Variants in NFU1 observed in about 807,000 individuals in gnomAD.
The protein encoded by NFU1 is NFU1 iron-sulfur cluster scaffold.
In NFU1, 30 loss-of-function variants were observed where a neutral mutation model predicts 32.2. The ratio of observed to expected loss-of-function variants is 0.93; its 90% CI spans 0.70 to 1.26. The LOEUF is 1.26. NFU1 is among the 50% of genes most tolerant of loss of function. The probability of loss-of-function intolerance (pLI) is 0.00; values close to 1 mark genes in which losing one functional copy is unlikely to be tolerated. For missense variants in NFU1, 306 were observed against 306.6 expected (o/e 1.00, Z 0.02); for synonymous variants, 112 against 104.6 (o/e 1.07, Z -0.43).
intron 5 of NFU1, among the ~76,000 whole-genome samples, chr2:69,407,761 C>T (rs946488455): frequency 2.0e-5 from 3 of 151,634 alleles, no homozygotes; most frequent in African/African-American, 7.3e-5. Flanking sequence ...CCCTATAACC[C>T]TAGCACTTTG....
At chr2:69,400,237 T>C in intron 7 of NFU1, 127 bp downstream of exon 7, 1 of 870,682 alleles carries the variant, frequency 1.1e-6, no homozygotes, top group East Asian at 2.5e-5. Flanking sequence ...AATCCAGCCC[T>C]TGAAGAAAAA....
At chr2:69,417,857 A>G (rs77503918) in intron 4 of NFU1, among the ~76,000 whole-genome samples, 3 of 134,546 alleles carry the variant, frequency 2.2e-5, no homozygotes, top group African/African-American at 9.5e-5. Context: ...GAAAAATAGG[A>G]AAAAAAAAAA....
rs773547774 is a variant in NFU1, at chr2:69,437,392, C to T, written c.31G>A (p.Ala11Thr). 1.9e-6 allele frequency: 3 copies of T among 1,609,712 alleles called. No individual in the cohort carries two copies. The highest frequency in any genetic ancestry group is 1.1e-5 in the South Asian group (1 of 90,942). MAATARRGWG[A>T]AAVAAGLRRR... Reference sequence around the variant, plus strand: ...CGCAGCCCGGCGGCAACAGCCGCAGCTCCCCAGCCCCGCCTGGCCGTCGCC... The same window carrying T: ...CGCAGCCCGGCGGCAACAGCCGCAGTTCCCCAGCCCCGCCTGGCCGTCGCC... The change falls in exon 1 of 8, where the codon GCT becomes ACT. Residue 11 changes from alanine to threonine, a missense_variant. Physicochemically the swap from Ala to Thr is moderately conservative, Grantham distance 58. Transcript: ENST00000410022.
chr2:69,416,333 A>G (rs1297283807), intron 4 of NFU1: 2 of 146,806 alleles, frequency 1.4e-5, no homozygotes, highest in Non-Finnish European at 3.0e-5. Flanking sequence ...AAAAATTAAT[A>G]TTTAATTAAT....
At position 69,427,286 on chromosome 2, in the gene NFU1, G is replaced by A. The variant is rs573367639; in HGVS notation, c.167-3569C>T. ...TGTAATCCCAGCTACTCAGGAGGCTGAGGCAGGAGAATCACTTGAACCTGG... is the reference window on the plus strand; with the variant it reads ...TGTAATCCCAGCTACTCAGGAGGCTAAGGCAGGAGAATCACTTGAACCTGG... On this transcript the variant is annotated intron_variant, in intron 2 of 7. Coordinates refer to ENST00000410022, the MANE Select transcript of NFU1 (RefSeq NM_001002755.4). 2.6e-5 allele frequency among the ~76,000 whole-genome samples: 4 copies of A among 151,988 alleles called. No homozygotes were observed. The South Asian group carries it at 8.3e-4, about 32-fold the overall frequency.
chr2:69,431,713 G>A (rs1301257974), intron 2 of NFU1, among the ~76,000 whole-genome samples, 189 bp downstream of exon 2: 1 of 152,128 alleles, frequency 6.6e-6, no homozygotes, highest in Non-Finnish European at 1.5e-5. Flanking sequence ...AGATCTATTG[G>A]ACAATATCCT....
At chr2:69,407,674 C>CAAAAAAAAAAAAAAAAAAAA (rs200321994) in intron 5 of NFU1, among the ~76,000 whole-genome samples, 1 of 103,106 alleles carries the variant, frequency 9.7e-6, no homozygotes, top group Non-Finnish European at 1.9e-5. Context: ...GACTCTATCT[C>CAAAAAAAAAAAAAAAAAAAA]AAAAAAAAAA....
intron 6 of NFU1, among the ~76,000 whole-genome samples, chr2:69,405,573 G>T (rs1672668531): frequency 6.6e-6 from 1 of 152,140 alleles, no homozygotes; most frequent in Admixed American, 6.6e-5. Flanking sequence ...ACTTTATCCA[G>T]CTTTTCTGGG....
chr2:69,437,509 G>C, upstream of NFU1: 2 of 1,495,612 alleles, frequency 1.3e-6, no homozygotes, highest in Non-Finnish European at 1.8e-6. Context: ...GGCGGGCACT[G>C]GGAAGAGCCC....
intron 6 of NFU1, among the ~76,000 whole-genome samples, chr2:69,402,612 G>A (rs1033155233): frequency 1.3e-5 from 2 of 151,618 alleles, no homozygotes; most frequent in African/African-American, 2.4e-5. Flanking sequence ...ACGGAGTTTC[G>A]CTCTTGTTGC....
At position 69,400,408 on chromosome 2, in the gene NFU1, T is replaced by C. The variant is rs377381866; in HGVS notation, c.676A>G (p.Asn226Asp). ...SIITLKNGIQ[N>D]MLQFYIPEVE... Reference sequence around the variant, plus strand: ...TCCGGAATATAAAACTGCAGCATGTTCTGAATTCCATTTTTCAGAGTAATG... The same window carrying C: ...TCCGGAATATAAAACTGCAGCATGTCCTGAATTCCATTTTTCAGAGTAATG... The change falls in exon 7 of 8, where the codon AAC (asparagine) becomes GAC (aspartate). Residue 226 changes from asparagine (N) to aspartate (D), a missense_variant. Coordinates refer to ENST00000410022, the MANE Select transcript of NFU1 (RefSeq NM_001002755.4). 135 of 1,614,076 alleles carry C rather than the reference T, an allele frequency of 8.4e-5. No homozygotes were observed. The highest frequency in any genetic ancestry group is 1.1e-4 in the Non-Finnish European group (133 of 1,180,032).
At chr2:69,421,702 G>A (rs1398564508) in intron 3 of NFU1, among the ~76,000 whole-genome samples, 1 of 151,370 alleles carries the variant, frequency 6.6e-6, no homozygotes, top group Non-Finnish European at 1.5e-5. Context: ...CGAGTGGCTA[G>A]GACTACAGGC....
At chr2:69,432,423 A>T (rs990057146) in intron 1 of NFU1, among the ~76,000 whole-genome samples, 49 of 152,238 alleles carry the variant, frequency 3.2e-4, no homozygotes, top group African/African-American at 1.2e-3. Flanking sequence ...AAAAATACAA[A>T]ATTAGCCGGG....
chr2:69,421,562 CTTTTTTTTTTTTT>C (rs763705011), intron 3 of NFU1, among the ~76,000 whole-genome samples: 2 of 70,742 alleles, frequency 2.8e-5, no homozygotes, highest in East Asian at 4.9e-4. Context: ...ATCATTTGTG[CTTTTTTTTTTTTT>C]TTTTTTTTTT....
chr2:69,433,054 G>A (rs1205422104), intron 1 of NFU1, among the ~76,000 whole-genome samples: 3 of 143,938 alleles, frequency 2.1e-5, no homozygotes, highest in African/African-American at 7.9e-5. Context: ...GGAGGCTGAG[G>A]CAGAGGAATC....
rs2104793916 is a variant in NFU1, at chr2:69,423,866, G to A, written c.167-149C>T. On this transcript the variant is annotated intron_variant, in intron 2 of 7. Coordinates refer to ENST00000410022, the MANE Select transcript of NFU1 (RefSeq NM_001002755.4). ...TATTGCCCTGACAAAGCATTTATAA[G>A]GATAAGAAAGAAATATATCACCATA... 3 of 667,696 alleles carry A rather than the reference G, an allele frequency of 4.5e-6. No homozygotes were observed. The South Asian group carries it at 5.5e-5, about 12-fold the overall frequency. The allele number at this position is 667,696 out of a possible 1,614,324, so 41.4% of individuals were successfully genotyped here.
chr2:69,421,141 T>C (rs908058482), intron 3 of NFU1, among the ~76,000 whole-genome samples: 2 of 151,664 alleles, frequency 1.3e-5, no homozygotes. Flanking sequence ...GAGGTGGAGG[T>C]TGCAGTGAGC....
upstream of NFU1, among the ~76,000 whole-genome samples, chr2:69,437,972 A>C (rs1399958383): frequency 6.6e-6 from 1 of 152,170 alleles, no homozygotes; most frequent in Non-Finnish European, 1.5e-5. Context: ...CGCACAGAGG[A>C]TGTATCTGGT....
intron 2 of NFU1, among the ~76,000 whole-genome samples, chr2:69,429,342 T>C (rs1673563156): frequency 6.6e-6 from 1 of 152,106 alleles, no homozygotes; most frequent in East Asian, 1.9e-4. Context: ...GGCAGGAGGA[T>C]CACTTGAGGG....
Sources: allele counts gnomAD v4.1 joint callset (sites outside exome capture counted in the v4.1 genomes callset), GRCh38; gene constraint gnomAD v4.1.1; transcripts MANE v1.5; gene names NCBI Gene and HGNC (gene_info 2026-07-23, HGNC 2026-07-21).